Variants in ERBB4 observed in about 807,000 individuals in gnomAD.
ERBB4 encodes the protein erb-b2 receptor tyrosine kinase 4.
In ERBB4, 42 loss-of-function variants were observed where a neutral mutation model predicts 158.0. That is an observed-to-expected ratio of 0.27 (90% CI 0.21 to 0.34). The LOEUF (loss-of-function observed/expected upper bound fraction) is 0.34, where lower values mean the gene tolerates loss of function less well. Among genes scored for constraint, ERBB4 ranks in the 10% least tolerant of loss-of-function variants. The pLI, the probability that ERBB4 is intolerant of heterozygous loss-of-function variation, is 1.00. For missense variants in ERBB4, 1,333 were observed against 1,624.1 expected (o/e 0.82, Z 3.08); for synonymous variants, 583 against 558.7 (o/e 1.04, Z -0.61).
At chr2:212,013,940 G>A (rs528690590) in intron 2 of ERBB4, among the ~76,000 whole-genome samples, 18 of 152,306 alleles carry the variant, frequency 1.2e-4, no homozygotes, top group African/African-American at 4.1e-4. Flanking sequence ...TTTGTCATAC[G>A]TCATTACTGC....
chr2:212,088,656 C>T (rs535065553), intron 2 of ERBB4, among the ~76,000 whole-genome samples: 2 of 152,126 alleles, frequency 1.3e-5, no homozygotes, highest in Non-Finnish European at 2.9e-5. Flanking sequence ...AACACCATTG[C>T]CAGTGAGAAA....
intron 1 of ERBB4, among the ~76,000 whole-genome samples, chr2:212,267,013 T>A (rs1298644101): frequency 1.3e-5 from 2 of 151,958 alleles, no homozygotes; most frequent in African/African-American, 4.8e-5. Context: ...GAAATCTGAA[T>A]TGAGCAGATA....
At chr2:211,893,137 TCA>T (rs2079012261) in intron 3 of ERBB4, among the ~76,000 whole-genome samples, 2 of 145,896 alleles carry the variant, frequency 1.4e-5, no homozygotes, top group East Asian at 1.9e-4. Flanking sequence ...GCTGGAGGCA[TCA>T]CATTACCTGA....
At chr2:212,523,158 A>G (rs942760302) in intron 1 of ERBB4, among the ~76,000 whole-genome samples, 1 of 151,986 alleles carries the variant, frequency 6.6e-6, no homozygotes, top group Non-Finnish European at 1.5e-5. Context: ...ATAAAGGTCT[A>G]CTTTATTTGT....
At chr2:211,833,800 A>G (rs1414803232) in intron 3 of ERBB4, among the ~76,000 whole-genome samples, 4 of 152,028 alleles carry the variant, frequency 2.6e-5, no homozygotes, top group Non-Finnish European at 5.9e-5. Flanking sequence ...TGAATATCAG[A>G]TTAGACTAGA....
chr2:211,614,842 T>G (rs527408260), intron 19 of ERBB4, among the ~76,000 whole-genome samples: 3 of 152,046 alleles, frequency 2.0e-5, no homozygotes, highest in Admixed American at 1.3e-4. Context: ...CAAAGACTAT[T>G]CACATGAACA....
chr2:212,356,604 C>T (rs989625394), intron 1 of ERBB4, among the ~76,000 whole-genome samples: 2 of 151,802 alleles, frequency 1.3e-5, no homozygotes, highest in African/African-American at 4.8e-5. Context: ...ATTTTACCTG[C>T]TTATCTAAAA....
At position 211,949,915 on chromosome 2, in the gene ERBB4, G is replaced by A. The variant is rs147324108; in HGVS notation, c.235-2299C>T. 1.6e-4 allele frequency among the ~76,000 whole-genome samples: 24 copies of A among 151,968 alleles called. No homozygotes were observed. The East Asian group carries it at 1.9e-3, about 12-fold the overall frequency. On this transcript the variant is annotated intron_variant, in intron 2 of 27. Coordinates refer to ENST00000342788, the MANE Select transcript of ERBB4 (RefSeq NM_005235.3). ...CATACATTTATCAGATTTAGTATTC[G>A]TAACCTGTCTCTTTTTCCCAGAATA...
At chr2:211,823,005 T>C (rs1338482910) in intron 3 of ERBB4, among the ~76,000 whole-genome samples, 1 of 151,982 alleles carries the variant, frequency 6.6e-6, no homozygotes, top group Non-Finnish European at 1.5e-5. Flanking sequence ...TCCAATGCTG[T>C]TACAACTGTT....
At chr2:211,466,761 A>T (rs2064701238) in intron 20 of ERBB4, among the ~76,000 whole-genome samples, 1 of 152,140 alleles carries the variant, frequency 6.6e-6, no homozygotes, top group Admixed American at 6.6e-5. Context: ...TCAAATGAGG[A>T]TATTCTTATT....
intron 3 of ERBB4, among the ~76,000 whole-genome samples, chr2:211,898,281 A>G (rs924368829): frequency 1.3e-5 from 2 of 152,154 alleles, no homozygotes; most frequent in African/African-American, 4.8e-5. Context: ...AGATAGTTTA[A>G]TCATTTTGAT....
chr2:211,648,402 T>G (rs545002053), intron 16 of ERBB4, among the ~76,000 whole-genome samples: 3 of 148,444 alleles, frequency 2.0e-5, no homozygotes, highest in South Asian at 4.3e-4. Flanking sequence ...TAAATAATAT[T>G]TTCTCTTTCC....
intron 20 of ERBB4, among the ~76,000 whole-genome samples, chr2:211,532,058 G>A (rs191271463): frequency 5.6e-4 from 85 of 152,078 alleles, no homozygotes; most frequent in African/African-American, 2.0e-3. Flanking sequence ...TACTTTGCAT[G>A]TTCTCACTTA....
intron 20 of ERBB4, among the ~76,000 whole-genome samples, chr2:211,477,713 A>G (rs1323346454): frequency 3.3e-5 from 5 of 151,490 alleles, no homozygotes; most frequent in Non-Finnish European, 7.3e-5. Context: ...TGCTATTAAT[A>G]ATAGCTAACT....
At chr2:211,751,255 T>C (rs187889172) in intron 4 of ERBB4, among the ~76,000 whole-genome samples, 4 of 151,990 alleles carry the variant, frequency 2.6e-5, no homozygotes, top group African/African-American at 9.6e-5. Context: ...ACTTCTAAAA[T>C]GTTTATTAAC....
Position 211,861,131 on chromosome 2 carries a change from T to TATATATATTATATA in ERBB4, c.422-72973_422-72972insTATATAATATATAT, listed in dbSNP as rs1559586098. ...TATATTTATATATATATTTTATATATATATATATATATATATATATATATT... is the reference window on the plus strand; with the variant it reads ...TATATTTATATATATATTTTATATATATATATATTATATAATATATATATATATATATATATATT... On this transcript the variant is annotated intron_variant, in intron 3 of 27. Coordinates refer to ENST00000342788, the MANE Select transcript of ERBB4 (RefSeq NM_005235.3). 1.0e-3 allele frequency among the ~76,000 whole-genome samples: 32 copies of TATATATATTATATA among 30,822 alleles called. 4 individuals carry two copies. Among genetic ancestry groups the TATATATATTATATA allele is most frequent in the African/African-American group, 4.2e-3 (31 of 7,326 alleles). The allele number at this position is 30,822 out of a possible 152,430, so 20.2% of individuals were successfully genotyped here.
At chr2:212,209,174 A>C (rs1559750250) in intron 1 of ERBB4, among the ~76,000 whole-genome samples, 1 of 152,178 alleles carries the variant, frequency 6.6e-6, no homozygotes, top group Non-Finnish European at 1.5e-5. Flanking sequence ...GACACTTGAA[A>C]TGTCCAACTT....
chr2:211,574,467 C>A (rs534339717), intron 19 of ERBB4, among the ~76,000 whole-genome samples: 1 of 152,234 alleles, frequency 6.6e-6, no homozygotes, highest in East Asian at 1.9e-4. Flanking sequence ...TAATAGAGAT[C>A]AGGATACTAA....
chr2:212,267,727 C>G (rs1042486540), intron 1 of ERBB4, among the ~76,000 whole-genome samples: 5 of 150,840 alleles, frequency 3.3e-5, no homozygotes, highest in Admixed American at 2.0e-4. Flanking sequence ...TTAGGTGTAT[C>G]TCCTAATGCT....
Sources: allele counts gnomAD v4.1 joint callset (sites outside exome capture counted in the v4.1 genomes callset), GRCh38; gene constraint gnomAD v4.1.1; transcripts MANE v1.5; gene names NCBI Gene and HGNC (gene_info 2026-07-23, HGNC 2026-07-21).